FSCN1: variants seen among roughly 807,000 people sequenced by gnomAD.
FSCN1 encodes fascin.
FSCN1 carries 10 observed loss-of-function variants against 39.7 expected under a neutral mutation model. The observed-to-expected ratio is 0.25, with a 90% CI of 0.16 to 0.43. FSCN1 has a LOEUF of 0.43. Among genes scored for constraint, FSCN1 ranks in the 20% least tolerant of loss-of-function variants. The pLI is 1.00. For synonymous variants in FSCN1, 322 were observed against 320.0 expected (o/e 1.01, Z -0.07); for missense variants, 525 against 723.8 (o/e 0.73, Z 3.15).
intron 1 of FSCN1, among the ~76,000 whole-genome samples, chr7:5,596,445 G>T (rs1785731930): frequency 6.6e-6 from 1 of 152,224 alleles, no homozygotes; most frequent in South Asian, 2.1e-4. Context: ...CTGGGCAGGG[G>T]CTTTCAGCCC....
intron 1 of FSCN1, among the ~76,000 whole-genome samples, chr7:5,597,900 G>C (rs1417775511): frequency 1.3e-5 from 2 of 152,146 alleles, no homozygotes; most frequent in Non-Finnish European, 2.9e-5. Flanking sequence ...GCTCCCGGGG[G>C]CTTCTGTGGG....
chr7:5,600,758 A>G (rs1249950508), intron 1 of FSCN1, among the ~76,000 whole-genome samples: 3 of 150,804 alleles, frequency 2.0e-5, no homozygotes, highest in African/African-American at 7.3e-5. Context: ...GGTTCACGCC[A>G]TTCTCCTGCC....
chr7:5,598,105 C>T lies in FSCN1; in HGVS notation c.832+4337C>T, dbSNP rs547098944. The stretch of plus-strand genomic sequence containing the variant: ...TCCCTGCTGGGGTGTGGCCTGATGT[C>T]TACGTGGCACCAGGCCCCTAAATCC... On this transcript the variant is annotated intron_variant, in intron 1 of 4. Coordinates refer to ENST00000382361, the MANE Select transcript of FSCN1 (RefSeq NM_003088.4). Among the ~76,000 whole-genome samples the T allele has an allele frequency of 2.6e-5, 4 of 152,238 alleles. No individual in the cohort carries two copies. The South Asian group carries it at 6.2e-4, about 24-fold the overall frequency.
At position 5,603,498 on chromosome 7, in the gene FSCN1, A is replaced by T; in HGVS notation, c.992A>T (p.Asn331Ile). ...GGVQSTASSKNASCYFDIEWR... is the reference protein window; with the variant it reads ...GGVQSTASSKIASCYFDIEWR... ...GACCCTGTCCCGCCATCCCCCAGGA[A>T]TGCCAGCTGCTACTTTGACATCGAG... is the stretch of plus-strand genomic sequence containing the variant. Residue 331 changes from asparagine (N) to isoleucine (I), a missense_variant and splice_region_variant, in exon 3 of 5, where the codon AAT (asparagine) becomes ATT (isoleucine). Physicochemically the swap from Asn to Ile is moderately radical, Grantham distance 149. Transcript: ENST00000382361. The surrounding 1 kb of genome is among the most constrained non-coding windows in gnomAD (Gnocchi z 8.5). 6.2e-7 allele frequency: 1 copy of T among 1,614,152 alleles called. No individual in the cohort carries two copies. Among genetic ancestry groups the T allele is most frequent in the Non-Finnish European group, 8.5e-7 (1 of 1,180,022 alleles).
Position 5,603,398 on chromosome 7 carries a change from C to G in FSCN1, c.974C>G (p.Ser325Cys). Residue 325 changes from serine (S) to cysteine (C), a missense_variant, in exon 2 of 5, where the codon TCC (serine) becomes TGC (cysteine). By Grantham distance (112) the Ser-to-Cys change is moderately radical. Around this residue, in one of 3 missense-constraint regions of FSCN1, gnomAD observed 275 missense variants for 351.9 expected, o/e 0.78. Transcript: ENST00000382361. The surrounding 1 kb of genome is among the most constrained non-coding windows in gnomAD (Gnocchi z 8.5). ...CTGACGGCCACCGGGGGCGTGCAGT[C>G]CACCGCCTCCAGCAAGTGAGTGCCT... ...WTLTATGGVQ[S>C]TASSKNASCY... The G allele has an allele frequency of 1.2e-6, 2 of 1,613,690 alleles. No homozygotes were observed. Among genetic ancestry groups the G allele is most frequent in the Non-Finnish European group, 1.7e-6 (2 of 1,180,004 alleles).
intron 1 of FSCN1, among the ~76,000 whole-genome samples, chr7:5,596,189 C>T (rs1356909386): frequency 6.6e-6 from 1 of 150,680 alleles, no homozygotes; most frequent in Non-Finnish European, 1.5e-5. Flanking sequence ...CCATTTTGGA[C>T]GGGCCTGCGT....
intron 1 of FSCN1, chr7:5,594,821 G>A (rs1464748077): frequency 3.3e-5 from 5 of 152,344 alleles, no homozygotes; most frequent in Middle Eastern, 3.4e-3. Flanking sequence ...CTACCCTCTG[G>A]TGAACCCATC....
intron 1 of FSCN1, among the ~76,000 whole-genome samples, chr7:5,596,895 A>C (rs1785739934): frequency 6.6e-6 from 1 of 152,216 alleles, no homozygotes. Context: ...AGGTGAAGCC[A>C]TAGAACATTC....
rs561422632 is a variant in FSCN1, at chr7:5,603,148, C to T, written c.833-109C>T. ...ACTGTGGGGACTCGGCCGCCCACCC[C>T]ACCCCGTGGTGTTACCTTGCGTGTG... On this transcript the variant is annotated intron_variant, in intron 1 of 4. Transcript: ENST00000382361. The surrounding 1 kb of genome is among the most constrained non-coding windows in gnomAD (Gnocchi z 8.5). The T allele has an allele frequency of 2.3e-6, 3 of 1,295,764 alleles. No individual in the cohort carries two copies. The highest frequency in any genetic ancestry group is 2.7e-5 in the South Asian group (2 of 75,264). The allele number at this position is 1,295,764 out of a possible 1,614,324, so 80.3% of individuals were successfully genotyped here.
rs1584296175 is a variant in FSCN1 at position 5,592,853 on chromosome 7, C to T, written c.-84C>T. ...GGAGGGTGCGTGCGGGCCGCGGCAGCCGAACAAAGGAGCAGGGGCGCCGCC... is the reference window on the plus strand; with the variant it reads ...GGAGGGTGCGTGCGGGCCGCGGCAGTCGAACAAAGGAGCAGGGGCGCCGCC... On this transcript the variant is annotated 5_prime_UTR_variant, in exon 1 of 5. Coordinates refer to ENST00000382361, the MANE Select transcript of FSCN1 (RefSeq NM_003088.4). The surrounding 1 kb of genome is among the most constrained non-coding windows in gnomAD (Gnocchi z 5.3). The T allele has an allele frequency of 1.3e-6, 1 of 796,414 alleles. No individual in the cohort carries two copies. The allele number at this position is 796,414 out of a possible 1,614,324, so 49.3% of individuals were successfully genotyped here.
rs73052796 is a variant in FSCN1 at position 5,603,348 on chromosome 7, T to G, written c.924T>G (p.Arg308=). Residue 308 remains arginine, a synonymous_variant, in exon 2 of 5, where the codon CGT becomes CGG. Coordinates refer to ENST00000382361, the MANE Select transcript of FSCN1 (RefSeq NM_003088.4). The surrounding 1 kb of genome is among the most constrained non-coding windows in gnomAD (Gnocchi z 8.5). The part of the protein sequence containing the change: ...IDRDTKKCAF[R]THTGKYWTLT... The stretch of plus-strand genomic sequence containing the variant: ...GCGACACCAAAAAGTGTGCCTTCCG[T>G]ACCCACACGGGCAAGTACTGGACGC... 257 of 1,613,652 alleles carry G rather than the reference T, an allele frequency of 1.6e-4. No individual in the cohort carries two copies. Among genetic ancestry groups the G allele is most frequent in the Non-Finnish European group, 2.1e-4 (242 of 1,180,008 alleles).
chr7:5,603,883 A>G lies in FSCN1; in HGVS notation c.1132A>G (p.Met378Val). ...GACAGGGGACTCAGAGCTCTTCCTC[A>G]TGAAGCTCATCAACCGCCCCATCAT... ...ETAGDSELFL[M>V]KLINRPIIVF... Residue 378 changes from methionine to valine, a missense_variant, in exon 4 of 5, where the codon ATG becomes GTG. Physicochemically the swap from Met to Val is conservative, Grantham distance 21. This residue lies in a region of FSCN1 where 275 missense variants were observed against 351.9 expected (regional missense o/e 0.78). Coordinates refer to ENST00000382361, the MANE Select transcript of FSCN1 (RefSeq NM_003088.4). This position sits in a 1 kb window ranked among gnomAD's most constrained non-coding sequence, Gnocchi z 8.5. 1.9e-6 allele frequency: 3 copies of G among 1,613,836 alleles called. No homozygotes were observed. The highest frequency in any genetic ancestry group is 1.1e-5 in the South Asian group (1 of 91,078).
intron 4 of FSCN1, among the ~76,000 whole-genome samples, chr7:5,604,439 C>A (rs1233280399): frequency 6.6e-6 from 1 of 152,082 alleles, no homozygotes; most frequent in East Asian, 1.9e-4. Context: ...GGACCCCCAA[C>A]AATCCAGAGG....
chr7:5,600,919 G>T (rs1447998911), intron 1 of FSCN1, among the ~76,000 whole-genome samples: 1 of 132,878 alleles, frequency 7.5e-6, no homozygotes, highest in African/African-American at 3.0e-5. Flanking sequence ...CTCCCAAAGT[G>T]CTGGGATTAC....
intron 4 of FSCN1, among the ~76,000 whole-genome samples, chr7:5,604,610 A>G (rs1785899055): frequency 1.3e-5 from 2 of 148,864 alleles, no homozygotes; most frequent in South Asian, 4.3e-4. Context: ...CTGGGATTAC[A>G]GGTGTGCACC....
intron 1 of FSCN1, among the ~76,000 whole-genome samples, chr7:5,595,878 G>A (rs548564594): frequency 6.6e-6 from 1 of 152,160 alleles, no homozygotes; most frequent in African/African-American, 2.4e-5. Flanking sequence ...TGTTTTTGGC[G>A]AGCCTGGGCA....
chr7:5,602,221 T>TTTAAG (rs554819239), intron 1 of FSCN1, among the ~76,000 whole-genome samples: 44 of 148,112 alleles, frequency 3.0e-4, no homozygotes, highest in South Asian at 1.1e-3. Flanking sequence ...TTTTTTTTTT[T>TTTAAG]AAGTAGGGTC....
intron 4 of FSCN1, among the ~76,000 whole-genome samples, chr7:5,604,356 G>A (rs1200564048): frequency 6.6e-6 from 1 of 151,982 alleles, no homozygotes; most frequent in Non-Finnish European, 1.5e-5. Flanking sequence ...GGAGAGCAGG[G>A]GTGGGGAGGT....
At position 5,592,907 on chromosome 7, in the gene FSCN1, C is replaced by A. The variant is rs1420513684; in HGVS notation, c.-30C>A. The A allele has an allele frequency of 5.0e-6, 7 of 1,388,304 alleles. No homozygotes were observed. The highest frequency in any genetic ancestry group is 6.7e-6 in the Non-Finnish European group (7 of 1,043,188). 86.0% of individuals were successfully genotyped at this position (1,388,304 alleles called of 1,614,324 possible). A position where few individuals can be genotyped will look rare whatever the true frequency, so the allele number is the denominator to read the frequency against. On this transcript the variant is annotated 5_prime_UTR_variant, in exon 1 of 5. Coordinates refer to ENST00000382361, the MANE Select transcript of FSCN1 (RefSeq NM_003088.4). This position sits in a 1 kb window ranked among gnomAD's most constrained non-coding sequence, Gnocchi z 5.3. The stretch of plus-strand genomic sequence containing the variant: ...GGGACCCGCCACCCACCTCCCGGGG[C>A]CGCGCAGCGGCCTCTCGTCTACTGC...
Sources: allele counts gnomAD v4.1 joint callset (sites outside exome capture counted in the v4.1 genomes callset), GRCh38; gene constraint gnomAD v4.1.1; regional missense constraint gnomAD v4.1.1; non-coding constraint Gnocchi (gnomAD v3.1); transcripts MANE v1.5; gene names NCBI Gene and HGNC (gene_info 2026-07-23, HGNC 2026-07-21).